The following EIF4G3 variants were observed in gnomAD, a reference collection of about 807,000 sequenced individuals.
The protein encoded by EIF4G3 is eukaryotic translation initiation factor 4 gamma 3.
EIF4G3 carries 34 observed loss-of-function variants against 186.4 expected under a neutral mutation model. That is an observed-to-expected ratio of 0.18 (90% CI 0.14 to 0.24). The LOEUF (loss-of-function observed/expected upper bound fraction) is 0.24. Ranked by LOEUF, EIF4G3 falls within the 10% of genes least tolerant of loss-of-function variation. The pLI, the probability that EIF4G3 is intolerant of heterozygous loss-of-function variation, is 1.00. For missense variants in EIF4G3, 1,536 were observed against 1,948.5 expected (o/e 0.79, Z 3.99); for synonymous variants, 673 against 679.5 (o/e 0.99, Z 0.15).
chr1:20,976,060 TA>T (rs2076790938), intron 10 of EIF4G3, among the ~76,000 whole-genome samples: 1 of 151,670 alleles, frequency 6.6e-6, no homozygotes, highest in South Asian at 2.1e-4. Flanking sequence ...TCAGTCTATA[TA>T]AAAAGTGTCA....
At chr1:20,825,252 A>C in intron 32 of EIF4G3, 54 bp from the exon 33 acceptor site, 28 of 363,006 alleles carry the variant, frequency 7.7e-5, no homozygotes, top group East Asian at 9.0e-5. Flanking sequence ...GAAGAAACAG[A>C]AAAAAAAAAA....
chr1:20,949,972 A>G (rs2096133996), intron 13 of EIF4G3, 31 bp downstream of exon 13: 2 of 1,556,030 alleles, frequency 1.3e-6, no homozygotes, highest in Non-Finnish European at 1.8e-6. Flanking sequence ...GAGACTAAAG[A>G]TAAGAGGGAG....
intron 14 of EIF4G3, among the ~76,000 whole-genome samples, chr1:20,925,060 T>C (rs543741526): frequency 6.8e-4 from 103 of 152,356 alleles, no homozygotes; most frequent in African/African-American, 2.3e-3. Context: ...TTATTAAGTA[T>C]TTCCTACTTA....
intron 14 of EIF4G3, among the ~76,000 whole-genome samples, chr1:20,917,548 G>A (rs75798867): frequency 0.11 from 17,172 of 152,104 alleles, 1,196 homozygotes; most frequent in East Asian, 0.28. Flanking sequence ...TTTCATTTAC[G>A]TAAGATTTCT....
intron 20 of EIF4G3, among the ~76,000 whole-genome samples, chr1:20,871,387 C>T (rs909904030): frequency 1.3e-5 from 2 of 152,118 alleles, no homozygotes; most frequent in Non-Finnish European, 2.9e-5. Context: ...TCACCCCATA[C>T]CCACTAAGAT....
chr1:20,906,443 G>C (rs1000681980), intron 14 of EIF4G3, among the ~76,000 whole-genome samples: 2 of 152,056 alleles, frequency 1.3e-5, no homozygotes, highest in African/African-American at 4.8e-5. Context: ...TTTTGCATTT[G>C]TATGAATTTA....
At chr1:21,043,787 T>C (rs1452767182) in intron 4 of EIF4G3, among the ~76,000 whole-genome samples, 1 of 147,090 alleles carries the variant, frequency 6.8e-6, no homozygotes. Context: ...GGCAGGAGGA[T>C]AGCTTGAGCC....
At chr1:21,061,544 C>T (rs917811023) in intron 3 of EIF4G3, among the ~76,000 whole-genome samples, 4 of 152,056 alleles carry the variant, frequency 2.6e-5, no homozygotes. Context: ...GGTTCATTAC[C>T]AACATTCCAC....
chr1:20,913,994 G>A (rs966093861), intron 14 of EIF4G3, among the ~76,000 whole-genome samples: 1 of 151,674 alleles, frequency 6.6e-6, no homozygotes, highest in African/African-American at 2.4e-5. Context: ...ATTTTTAGTA[G>A]AGACGGGGTT....
chr1:20,931,190 G>A (rs1327364546), intron 14 of EIF4G3, among the ~76,000 whole-genome samples: 1 of 152,058 alleles, frequency 6.6e-6, no homozygotes, highest in Admixed American at 6.6e-5. Flanking sequence ...CAGATTTCCA[G>A]GAGGTTTTTA....
At chr1:20,823,994 A>C (rs2063019101) in intron 33 of EIF4G3, among the ~76,000 whole-genome samples, 1 of 152,236 alleles carries the variant, frequency 6.6e-6, no homozygotes, top group Non-Finnish European at 1.5e-5. Context: ...GTAATACTGA[A>C]CTGGGACTAA....
chr1:20,866,302 C>T (rs543776308), intron 20 of EIF4G3, among the ~76,000 whole-genome samples: 1 of 152,112 alleles, frequency 6.6e-6, no homozygotes, highest in Non-Finnish European at 1.5e-5. Flanking sequence ...GATGATGATG[C>T]TAGAATATTT....
chr1:21,009,380 A>G (rs1324220940), intron 4 of EIF4G3, among the ~76,000 whole-genome samples: 1 of 152,032 alleles, frequency 6.6e-6, no homozygotes, highest in African/African-American at 2.4e-5. Flanking sequence ...GGGTCTTGCC[A>G]ATGTTGCCCA....
intron 19 of EIF4G3, 127 bp downstream of exon 19, chr1:20,886,072 TTC>T: frequency 8.4e-7 from 1 of 1,188,688 alleles, no homozygotes; most frequent in South Asian, 1.6e-5. Flanking sequence ...TTTAGAATAA[TTC>T]TTTTAATAGG....
At chr1:21,126,151 G>A (rs1259241758) in intron 2 of EIF4G3, among the ~76,000 whole-genome samples, 1 of 150,834 alleles carries the variant, frequency 6.6e-6, no homozygotes, top group Non-Finnish European at 1.5e-5. Flanking sequence ...AGGCTACAGC[G>A]AGCCATAATC....
chr1:20,942,121 T>C lies in EIF4G3; in HGVS notation c.1033A>G (p.Ser345Gly), dbSNP rs1222996298. 5.6e-6 allele frequency: 9 copies of C among 1,614,022 alleles called. No homozygotes were observed. The highest frequency in any genetic ancestry group is 5.9e-6 in the Non-Finnish European group (7 of 1,180,010). The change falls in exon 14 of 37, where the codon AGC (serine) becomes GGC (glycine). Residue 345 changes from serine to glycine, a missense_variant. Ser to Gly is a moderately conservative substitution (Grantham distance 56). Transcript: ENST00000602326. The part of the protein sequence containing the change: ...IAAPTSSALS[S>G]QPIFTTAIDD... ...ATAGCAGTGGTGAATATTGGTTGGC[T>C]ACTAAGAGCAGAAGAGGTGGGGGCT...
chr1:20,964,290 A>G (rs2074123068), intron 12 of EIF4G3, among the ~76,000 whole-genome samples: 1 of 152,238 alleles, frequency 6.6e-6, no homozygotes, highest in Admixed American at 6.5e-5. Context: ...AAATCTAAGT[A>G]ACACAGTGAA....
At chr1:21,118,306 C>T (rs538579228) in intron 2 of EIF4G3, among the ~76,000 whole-genome samples, 1 of 152,140 alleles carries the variant, frequency 6.6e-6, no homozygotes, top group East Asian at 1.9e-4. Context: ...TGGATCATAA[C>T]TATTTTCCTC....
intron 16 of EIF4G3, among the ~76,000 whole-genome samples, chr1:20,896,447 A>AAAAAAAG (rs1553264504): frequency 1.3e-5 from 2 of 151,026 alleles, no homozygotes; most frequent in East Asian, 3.9e-4. Flanking sequence ...AAAAAAAAAA[A>AAAAAAAG]AAAAAGAAAA....
Sources: allele counts gnomAD v4.1 joint callset (sites outside exome capture counted in the v4.1 genomes callset), GRCh38; gene constraint gnomAD v4.1.1; transcripts MANE v1.5; gene names NCBI Gene and HGNC (gene_info 2026-07-23, HGNC 2026-07-21).